Variants in CAST observed in about 807,000 individuals in gnomAD.
CAST encodes the protein MIR583 host.
A neutral mutation model predicts 119.6 loss-of-function variants in CAST; 76 were observed. That is an observed-to-expected ratio of 0.64 (90% CI 0.53 to 0.77). The LOEUF (loss-of-function observed/expected upper bound fraction) is 0.77. Among genes scored for constraint, CAST ranks in the 30% least tolerant of loss-of-function variants. The pLI is 0.00. For missense variants in CAST, 953 were observed against 946.5 expected (o/e 1.01, Z -0.09); for synonymous variants, 319 against 331.6 (o/e 0.96, Z 0.41).
chr5:96,744,980 C>T (rs917145125), intron 16 of CAST, among the ~76,000 whole-genome samples: 2 of 151,780 alleles, frequency 1.3e-5, no homozygotes, highest in Non-Finnish European at 2.9e-5. Context: ...TCTTTTTTTT[C>T]GATGCCTACT....
chr5:96,555,397 G>C (rs142213439), intron 1 of CAST, among the ~76,000 whole-genome samples: 2 of 152,162 alleles, frequency 1.3e-5, no homozygotes, highest in Non-Finnish European at 2.9e-5. Flanking sequence ...TGGGTGCAGC[G>C]CACCCAGCGT....
the CAST span, among the ~76,000 whole-genome samples, chr5:96,473,636 G>C: frequency 6.6e-6 from 1 of 152,148 alleles, no homozygotes; most frequent in Non-Finnish European, 1.5e-5. Context: ...TGACTATATC[G>C]GGAAACCAAT....
chr5:96,126,243 C>T, the CAST span, among the ~76,000 whole-genome samples: 13 of 151,900 alleles, frequency 8.6e-5, no homozygotes, highest in African/African-American at 1.4e-4. Flanking sequence ...GTGGTTGCTC[C>T]GTATGGGACT....
the CAST span, among the ~76,000 whole-genome samples, chr5:96,291,432 C>A: frequency 1.3e-5 from 2 of 152,280 alleles, no homozygotes; most frequent in Admixed American, 6.5e-5. Flanking sequence ...GTTTCATGGT[C>A]CTCCATTCTA....
intron 31 of CAST, chr5:96,772,262 A>G (rs1243153582): frequency 2.0e-5 from 3 of 153,712 alleles, no homozygotes; most frequent in Non-Finnish European, 4.4e-5. Flanking sequence ...GACAGATTGA[A>G]GGGATTTCTG....
the CAST span, among the ~76,000 whole-genome samples, chr5:96,319,812 A>G: frequency 6.6e-6 from 1 of 151,994 alleles, no homozygotes; most frequent in South Asian, 2.1e-4. Flanking sequence ...CTGCTGTCCA[A>G]GTCAGGTGTC....
intron 1 of CAST, among the ~76,000 whole-genome samples, chr5:96,675,039 A>G (rs1750537010): frequency 6.6e-6 from 1 of 152,230 alleles, no homozygotes; most frequent in Non-Finnish European, 1.5e-5. Context: ...TGAAATCTTA[A>G]GGCCATAACA....
At chr5:96,023,528 C>T in the CAST span, among the ~76,000 whole-genome samples, 6 of 152,166 alleles carry the variant, frequency 3.9e-5, no homozygotes, top group Admixed American at 1.3e-4. Flanking sequence ...CTGAGGTTTC[C>T]GGATCTCTCT....
At chr5:95,987,790 A>G in the CAST span, among the ~76,000 whole-genome samples, 6,466 of 152,316 alleles carry the variant, frequency 0.042, 231 homozygotes, top group African/African-American at 0.087. Context: ...TGTGCTGTCC[A>G]ATATGATAGC....
At chr5:96,158,264 A>G in the CAST span, among the ~76,000 whole-genome samples, 2 of 152,356 alleles carry the variant, frequency 1.3e-5, no homozygotes, top group Admixed American at 1.3e-4. Flanking sequence ...GTAAGCACAG[A>G]CTAATCCAGG....
chr5:96,653,588 A>T (rs1561439934), intron 1 of CAST, among the ~76,000 whole-genome samples: 1 of 152,242 alleles, frequency 6.6e-6, no homozygotes, highest in Non-Finnish European at 1.5e-5. Context: ...TATAAAATGC[A>T]TATAAAGTCC....
At chr5:96,309,127 T>C in the CAST span, among the ~76,000 whole-genome samples, 1 of 152,256 alleles carries the variant, frequency 6.6e-6, no homozygotes. Flanking sequence ...TGACTGGGGC[T>C]GCTGCCTTTG....
At chr5:96,274,099 A>AT in the CAST span, among the ~76,000 whole-genome samples, 2,900 of 143,870 alleles carry the variant, frequency 0.02, 57 homozygotes, top group African/African-American at 0.058. Context: ...TAGAGCCCCA[A>AT]TTTTTTTTTT....
chr5:96,357,104 G>C, the CAST span, among the ~76,000 whole-genome samples: 200 of 152,244 alleles, frequency 1.3e-3, 1 homozygote, highest in African/African-American at 4.5e-3. Flanking sequence ...TTGTGAATGG[G>C]AGTTCACTCA....
At chr5:96,713,133 C>CTTTTTTTT (rs11406642) in intron 3 of CAST, among the ~76,000 whole-genome samples, 1 of 136,774 alleles carries the variant, frequency 7.3e-6, no homozygotes, top group Non-Finnish European at 1.6e-5. Flanking sequence ...CAGAATTTCT[C>CTTTTTTTT]TTTTTTTTTT....
the CAST span, among the ~76,000 whole-genome samples, chr5:96,451,574 T>A: frequency 1.2e-4 from 18 of 152,306 alleles, no homozygotes; most frequent in Non-Finnish European, 2.4e-4. Context: ...ATTCAGGACA[T>A]AGGCATGGGC....
the CAST span, among the ~76,000 whole-genome samples, chr5:96,127,825 C>T: frequency 1.3e-5 from 2 of 151,956 alleles, no homozygotes; most frequent in Non-Finnish European, 1.5e-5. Context: ...TGCTTAAAGT[C>T]GATTTGTGAT....
chr5:96,082,421 C>T, the CAST span, among the ~76,000 whole-genome samples: 1 of 152,180 alleles, frequency 6.6e-6, no homozygotes, highest in Admixed American at 6.5e-5. Flanking sequence ...CTCACATAAC[C>T]CATTCATGAG....
the CAST span, among the ~76,000 whole-genome samples, chr5:95,969,506 A>C: frequency 6.6e-6 from 1 of 152,108 alleles, no homozygotes; most frequent in East Asian, 1.9e-4. Flanking sequence ...AAGGTACTAC[A>C]AGTGGAGGGG....
Sources: gnomAD v4.1 joint callset for allele counts (sites outside exome capture counted in the v4.1 genomes callset) on GRCh38, gnomAD v4.1.1 for gene constraint, MANE v1.5 for transcripts, NCBI Gene and HGNC (gene_info 2026-07-23, HGNC 2026-07-21) for gene names.